The following TCF7L2 variants were observed in gnomAD, a reference collection of about 807,000 sequenced individuals.
The protein encoded by TCF7L2 is transcription factor 7-like 2.
A neutral mutation model predicts 77.9 loss-of-function variants in TCF7L2; 23 were observed. That is an observed-to-expected ratio of 0.30 (90% CI 0.21 to 0.42). The LOEUF is 0.42. TCF7L2 is among the 10% of genes least tolerant of loss of function. The pLI is 1.00. For synonymous variants in TCF7L2, 413 were observed against 340.2 expected (o/e 1.21, Z -2.36); for missense variants, 654 against 793.1 (o/e 0.82, Z 2.11).
chr10:113,099,754 T>G (rs977384937), intron 5 of TCF7L2, among the ~76,000 whole-genome samples: 2 of 152,128 alleles, frequency 1.3e-5, no homozygotes, highest in African/African-American at 2.4e-5. Context: ...TAAATTCTTG[T>G]GTAATCCAAT....
At chr10:113,044,794 C>T (rs2053129984) in intron 5 of TCF7L2, among the ~76,000 whole-genome samples, 1 of 152,144 alleles carries the variant, frequency 6.6e-6, no homozygotes. Flanking sequence ...AAGTGCTTGG[C>T]TTGGACAGAG....
rs527916490 is a variant in TCF7L2 at position 113,034,723 on chromosome 10, C to T, written c.451-5302C>T. ...CCAGCCTGACCAACATGGTAAAACC[C>T]GATCTCTACTAAAAATACAAAAATT... On this transcript the variant is annotated intron_variant, in intron 4 of 13. Transcript: ENST00000627217. 4.7e-3 allele frequency among the ~76,000 whole-genome samples: 720 copies of T among 152,086 alleles called. 5 individuals are homozygous for T. Among genetic ancestry groups the T allele is most frequent in the Non-Finnish European group, 6.4e-3 (435 of 67,996 alleles).
rs529549801 is a variant in TCF7L2, at chr10:113,010,872, C to T, written c.451-29153C>T. 1.2e-4 allele frequency among the ~76,000 whole-genome samples: 18 copies of T among 152,126 alleles called. No individual in the cohort carries two copies. The South Asian group carries it at 3.7e-3, about 32-fold the overall frequency. On this transcript the variant is annotated intron_variant, in intron 4 of 13. Coordinates refer to ENST00000627217, the MANE Select transcript of TCF7L2 (RefSeq NM_001146274.2). ...CGACTAAAAATACAAAAATATTAGC[C>T]GGGCCTGGTGGTGTGCACCTGTAGT... is the stretch of plus-strand genomic sequence containing the variant.
intron 5 of TCF7L2, among the ~76,000 whole-genome samples, chr10:113,096,852 G>A (rs2061032941): frequency 6.6e-6 from 1 of 152,122 alleles, no homozygotes; most frequent in African/African-American, 2.4e-5. Context: ...GGGAGGGTGG[G>A]GATGGGAAAG....
chr10:112,962,895 TGCCAGCG>T (rs2035643434), intron 3 of TCF7L2, among the ~76,000 whole-genome samples: 1 of 152,150 alleles, frequency 6.6e-6, no homozygotes, highest in Non-Finnish European at 1.5e-5. Context: ...CACTGCGCCC[TGCCAGCG>T]GTTCACTTCA....
At chr10:112,985,862 G>T (rs1474543023) in intron 4 of TCF7L2, among the ~76,000 whole-genome samples, 51 of 86,452 alleles carry the variant, frequency 5.9e-4, no homozygotes, top group African/African-American at 2.0e-3. Flanking sequence ...CCTGTAGTTT[G>T]TGTGTGTGTG....
At chr10:112,984,600 C>T (rs1020268185) in intron 4 of TCF7L2, among the ~76,000 whole-genome samples, 1 of 152,046 alleles carries the variant, frequency 6.6e-6, no homozygotes, top group South Asian at 2.1e-4. Flanking sequence ...AAAACTATTT[C>T]CCCAGGCAGT....
rs2074047610 is a variant in TCF7L2, at chr10:113,166,490, G to A, written c.*518G>A. The A allele has an allele frequency of 5.3e-6, 1 of 189,714 alleles. No individual in the cohort carries two copies. The highest frequency in any genetic ancestry group is 2.1e-4 in the South Asian group (1 of 4,714). The allele number at this position is 189,714 out of a possible 1,614,324, so 11.8% of individuals were successfully genotyped here. A position where few individuals can be genotyped will look rare whatever the true frequency, so the allele number is the denominator to read the frequency against. On this transcript the variant is annotated 3_prime_UTR_variant, in exon 14 of 14. Transcript: ENST00000627217. Reference sequence around the variant, plus strand: ...TTCTGTGTGAAACAACTCTTATTGTGATGTTACTTGTTATTGTTTAAATGT... The same window carrying A: ...TTCTGTGTGAAACAACTCTTATTGTAATGTTACTTGTTATTGTTTAAATGT...
Position 113,165,947 on chromosome 10 carries a change from C to G in TCF7L2, c.1784C>G (p.Ser595Trp), listed in dbSNP as rs149556542. 6.5e-7 allele frequency: 1 copy of G among 1,537,890 alleles called. No individual in the cohort carries two copies. Among genetic ancestry groups the G allele is most frequent in the Non-Finnish European group, 8.8e-7 (1 of 1,140,922 alleles). ...GCCGGGACCCAGCCCCAGCCGCTGT[C>G]GCTCGTCACCAAGTCTTTAGAATAG... Residue 595 changes from serine (S) to tryptophan (W), a missense_variant, in exon 14 of 14, where the codon TCG (serine) becomes TGG (tryptophan). By Grantham distance (177) the Ser-to-Trp change is radical. Transcript: ENST00000627217.
intron 4 of TCF7L2, among the ~76,000 whole-genome samples, chr10:113,028,022 A>G (rs1335697742): frequency 6.6e-6 from 1 of 152,196 alleles, no homozygotes. Flanking sequence ...GCCTGCCTTC[A>G]TCTTTTACTG....
chr10:113,028,970 GA>G (rs1460967275), intron 4 of TCF7L2, among the ~76,000 whole-genome samples: 2 of 152,186 alleles, frequency 1.3e-5, no homozygotes, highest in Non-Finnish European at 2.9e-5. Flanking sequence ...TTCTGGCTGT[GA>G]AATCCCCTGT....
chr10:113,017,898 G>A lies in TCF7L2; in HGVS notation c.451-22127G>A, dbSNP rs111824940. Among the ~76,000 whole-genome samples the A allele has an allele frequency of 0.033, 4,961 of 152,212 alleles. 313 individuals carry two copies. Among genetic ancestry groups the A allele is most frequent in the African/African-American group, 0.11 (4,659 of 41,506 alleles). Reference sequence around the variant, plus strand: ...GGATTAGAAAGCTGAGATCCAGAGCGGGCAGATGTAAACCTGGGGTCTTTA... The same window carrying A: ...GGATTAGAAAGCTGAGATCCAGAGCAGGCAGATGTAAACCTGGGGTCTTTA... On this transcript the variant is annotated intron_variant, in intron 4 of 13. Transcript: ENST00000627217.
intron 4 of TCF7L2, among the ~76,000 whole-genome samples, chr10:113,025,890 T>G (rs1358721470): frequency 6.6e-6 from 1 of 151,988 alleles, no homozygotes; most frequent in Non-Finnish European, 1.5e-5. Context: ...ATTTTTTTTT[T>G]TTTTTTAGAT....
chr10:113,165,935 C>T lies in TCF7L2; in HGVS notation c.1772C>T (p.Pro591Leu), dbSNP rs1166838736. The change falls in exon 14 of 14, where the codon CCC (proline) becomes CTC (leucine). Residue 591 changes from proline (P) to leucine (L), a missense_variant. By Grantham distance (98) the Pro-to-Leu change is moderately conservative (BLOSUM62 -3). Around this residue, in one of 6 missense-constraint regions of TCF7L2, gnomAD observed 272 missense variants for 215.4 expected, o/e 1.26. Coordinates refer to ENST00000627217, the MANE Select transcript of TCF7L2 (RefSeq NM_001146274.2). ...CACAGCTCCCTGGCCGGGACCCAGC[C>T]CCAGCCGCTGTCGCTCGTCACCAAG... The T allele has an allele frequency of 1.3e-6, 2 of 1,550,760 alleles. No homozygotes were observed. Among genetic ancestry groups the T allele is most frequent in the Non-Finnish European group, 1.7e-6 (2 of 1,147,068 alleles).
intron 5 of TCF7L2, chr10:113,089,473 C>G: frequency 1.2e-6 from 2 of 1,613,860 alleles, no homozygotes; most frequent in Non-Finnish European, 1.7e-6. Context: ...ACTGTCAGCA[C>G]TCAAGTCTTC....
intron 4 of TCF7L2, among the ~76,000 whole-genome samples, chr10:113,007,691 G>A (rs1280961196): frequency 6.6e-6 from 1 of 152,216 alleles, no homozygotes; most frequent in Non-Finnish European, 1.5e-5. Context: ...TGTAGTCAGA[G>A]CTGCTTTTCC....
intron 4 of TCF7L2, among the ~76,000 whole-genome samples, chr10:112,995,200 G>A (rs922773483): frequency 3.3e-5 from 5 of 152,154 alleles, no homozygotes; most frequent in South Asian, 2.1e-4. Context: ...CCCAGGCCTC[G>A]GGCCAGTGAG....
intron 5 of TCF7L2, among the ~76,000 whole-genome samples, chr10:113,088,365 T>C (rs2060047059): frequency 6.6e-6 from 1 of 152,120 alleles, no homozygotes. Context: ...GGCATGCTCC[T>C]TACAGTCTCT....
chr10:113,147,467 T>TA (rs2069713588), intron 8 of TCF7L2, among the ~76,000 whole-genome samples: 1 of 152,244 alleles, frequency 6.6e-6, no homozygotes, highest in African/African-American at 2.4e-5. Context: ...CTACCTGCGA[T>TA]ATATCATCAA....
Sources: gnomAD v4.1 joint callset for allele counts (sites outside exome capture counted in the v4.1 genomes callset) on GRCh38, gnomAD v4.1.1 for gene constraint, gnomAD v4.1.1 regional missense constraint, MANE v1.5 for transcripts, NCBI Gene and HGNC (gene_info 2026-07-23, HGNC 2026-07-21) for gene names.